Variants in CNR1 observed in about 807,000 individuals in gnomAD.
The protein encoded by CNR1 is cannabinoid receptor 1.
Under a neutral mutation model 23.0 loss-of-function variants are expected in CNR1, and 10 were observed. The observed-to-expected ratio is 0.43, with a 90% CI of 0.27 to 0.74. CNR1 has a LOEUF of 0.74. CNR1 is among the 30% of genes least tolerant of loss of function. The pLI is 0.19. For missense variants in CNR1, 422 were observed against 618.8 expected, an observed-to-expected ratio of 0.68 and a Z score of 3.37; for synonymous variants, 271 against 255.2, an observed-to-expected ratio of 1.06 and a Z score of -0.59.
intron 1 of CNR1, among the ~76,000 whole-genome samples, chr6:88,154,881 G>C (rs1221866747): frequency 6.6e-6 from 1 of 152,142 alleles, no homozygotes; most frequent in Admixed American, 6.5e-5. Context: ...TGCCCGCCCA[G>C]AAAGCAATTA....
At chr6:88,160,601 ATT>A (rs1243964089) in intron 1 of CNR1, among the ~76,000 whole-genome samples, 1 of 151,828 alleles carries the variant, frequency 6.6e-6, no homozygotes, top group Non-Finnish European at 1.5e-5. Context: ...TGCCCGGCTA[ATT>A]TTTGTGTTTT....
intron 1 of CNR1, among the ~76,000 whole-genome samples, chr6:88,161,730 G>A (rs534025620): frequency 3.3e-5 from 5 of 152,256 alleles, no homozygotes; most frequent in South Asian, 4.1e-4. Context: ...AGTTTGAGAT[G>A]GAAGTTGCTT....
chr6:88,154,707 A>C (rs1006351823), intron 1 of CNR1, among the ~76,000 whole-genome samples: 1 of 152,254 alleles, frequency 6.6e-6, no homozygotes, highest in Non-Finnish European at 1.5e-5. Context: ...GCCTCCGAAG[A>C]AGCTTGGATT....
At position 88,143,602 on chromosome 6, in the gene CNR1, AT is replaced by A; in HGVS notation, c.*253del. 5.2e-6 allele frequency: 2 copies of A among 386,870 alleles called. No individual in the cohort carries two copies. The highest frequency in any genetic ancestry group is 9.3e-6 in the Non-Finnish European group (2 of 216,056). 24.0% of individuals were successfully genotyped at this position (386,870 alleles called of 1,614,324 possible). On this transcript the variant is annotated 3_prime_UTR_variant, in exon 2 of 2. Transcript: ENST00000369501. ...TTGTGTAGCCAAAGGTTTCCCTCCT[AT>A]TTCATTGAGACTTTGAAGGATCGTT...
rs77371478 is a variant in CNR1, at chr6:88,139,919, C to T, written c.*3937G>A. Reference sequence around the variant, plus strand: ...TTATTTGATTCCAGGTAACTTTGGACAATAGACATGATGAGATGTTTTCTC... The same window carrying T: ...TTATTTGATTCCAGGTAACTTTGGATAATAGACATGATGAGATGTTTTCTC... On this transcript the variant is annotated 3_prime_UTR_variant, in exon 2 of 2. Coordinates refer to ENST00000369501, the MANE Select transcript of CNR1 (RefSeq NM_016083.6). The T allele has an allele frequency of 1.4e-4, 22 of 152,236 alleles. No homozygotes were observed. Among genetic ancestry groups the T allele is most frequent in the African/African-American group, 1.7e-4 (7 of 41,412 alleles). The allele number at this position is 152,236 out of a possible 1,614,324, so 9.4% of individuals were successfully genotyped here. A position where few individuals can be genotyped will look rare whatever the true frequency, so the allele number is the denominator to read the frequency against.
At chr6:88,167,108 T>C (rs776680076), upstream of CNR1, among the ~76,000 whole-genome samples, 1 of 151,706 alleles carries the variant, frequency 6.6e-6, no homozygotes, top group Admixed American at 6.6e-5. Context: ...ATGCAAACAG[T>C]TGGGCTCCGT....
chr6:88,160,662 T>C (rs1171202110), intron 1 of CNR1, among the ~76,000 whole-genome samples: 1 of 152,198 alleles, frequency 6.6e-6, no homozygotes, highest in East Asian at 1.9e-4. Context: ...CTCGAACTCC[T>C]GACCTCAAGT....
intron 1 of CNR1, among the ~76,000 whole-genome samples, chr6:88,153,837 T>C (rs1442788773): frequency 1.3e-5 from 2 of 152,236 alleles, no homozygotes; most frequent in Non-Finnish European, 2.9e-5. Context: ...TAGGCCAACA[T>C]CATAACTTGA....
At chr6:88,159,423 T>C (rs1396474823) in intron 1 of CNR1, among the ~76,000 whole-genome samples, 1 of 152,236 alleles carries the variant, frequency 6.6e-6, no homozygotes, top group Non-Finnish European at 1.5e-5. Context: ...ATTTCAAAAA[T>C]ACCTAAAAGT....
intron 1 of CNR1, among the ~76,000 whole-genome samples, chr6:88,151,987 C>T (rs887318023): frequency 2.0e-5 from 3 of 151,946 alleles, no homozygotes; most frequent in African/African-American, 4.8e-5. Flanking sequence ...GCAGATGAAT[C>T]GAAGTTTCTC....
At chr6:88,150,366 GAGTA>G (rs140352734) in intron 1 of CNR1, among the ~76,000 whole-genome samples, 2,548 of 152,196 alleles carry the variant, frequency 0.017, 76 homozygotes, top group African/African-American at 0.058. Context: ...CAAAGGCAAG[GAGTA>G]AGTTTCTTGT....
chr6:88,163,334 T>C (rs997441925), intron 1 of CNR1, among the ~76,000 whole-genome samples: 3 of 152,248 alleles, frequency 2.0e-5, no homozygotes, highest in South Asian at 2.1e-4. Context: ...CCTGGATAGC[T>C]AGTTATGGGA....
Position 88,140,439 on chromosome 6 carries a change from TTACA to T in CNR1, c.*3413_*3416del, listed in dbSNP as rs1776745568. 1.3e-5 allele frequency: 2 copies of T among 152,784 alleles called. No individual in the cohort carries two copies. Among genetic ancestry groups the T allele is most frequent in the African/African-American group, 4.8e-5 (2 of 41,450 alleles). The allele number at this position is 152,784 out of a possible 1,614,324, so 9.5% of individuals were successfully genotyped here. ...AACATCTGACTTTTTAGAAACCTAT[TTACA>T]TACATTCAGCCCAAATCAGTAGATA... On this transcript the variant is annotated 3_prime_UTR_variant, in exon 2 of 2. Coordinates refer to ENST00000369501, the MANE Select transcript of CNR1 (RefSeq NM_016083.6).
At chr6:88,162,301 T>C (rs1453837612) in intron 1 of CNR1, among the ~76,000 whole-genome samples, 4 of 152,246 alleles carry the variant, frequency 2.6e-5, no homozygotes, top group African/African-American at 9.6e-5. Flanking sequence ...ATTTCAGTCA[T>C]GATTTACATC....
intron 1 of CNR1, among the ~76,000 whole-genome samples, chr6:88,160,432 TTTC>T (rs1024847155): frequency 6.6e-6 from 1 of 151,172 alleles, no homozygotes; most frequent in African/African-American, 2.4e-5. Flanking sequence ...TTTTTTTTCT[TTTC>T]TTTTTTTTTT....
At chr6:88,164,594 A>G (rs543327124) in intron 1 of CNR1, among the ~76,000 whole-genome samples, 7 of 152,240 alleles carry the variant, frequency 4.6e-5, no homozygotes, top group South Asian at 2.1e-4. Flanking sequence ...AGTACCAGGG[A>G]AAAAAAGGAC....
Position 88,140,446 on chromosome 6 carries a change from C to A in CNR1, c.*3410G>T, listed in dbSNP as rs1276193182. ...GACTTTTTAGAAACCTATTTACATA[C>A]ATTCAGCCCAAATCAGTAGATAGAA... On this transcript the variant is annotated 3_prime_UTR_variant, in exon 2 of 2. Transcript: ENST00000369501. The A allele has an allele frequency of 6.5e-6, 1 of 152,784 alleles. No individual in the cohort carries two copies. Among genetic ancestry groups the A allele is most frequent in the Non-Finnish European group, 1.5e-5 (1 of 68,040 alleles). 9.5% of individuals were successfully genotyped at this position (152,784 alleles called of 1,614,324 possible).
rs569436829 is a variant in CNR1, at chr6:88,141,145, G to T, written c.*2711C>A. The T allele has an allele frequency of 2.0e-5, 3 of 152,356 alleles. No individual in the cohort carries two copies. The South Asian group carries it at 6.3e-4, about 32-fold the overall frequency. 9.4% of individuals were successfully genotyped at this position (152,356 alleles called of 1,614,324 possible). ...TTTAAATTAATGGATCTAATTATGG[G>T]GTTAATTAATGAGTGATATTAACAA... On this transcript the variant is annotated 3_prime_UTR_variant, in exon 2 of 2. Coordinates refer to ENST00000369501, the MANE Select transcript of CNR1 (RefSeq NM_016083.6).
In CNR1 at chr6:88,143,750, A is replaced by C. The variant is rs1040904722; in HGVS notation, c.*106T>G. The C allele has an allele frequency of 6.4e-6, 5 of 786,326 alleles. No homozygotes were observed. The highest frequency in any genetic ancestry group is 1.0e-5 in the Non-Finnish European group (5 of 478,284). 48.7% of individuals were successfully genotyped at this position (786,326 alleles called of 1,614,324 possible). A position where few individuals can be genotyped will look rare whatever the true frequency, so the allele number is the denominator to read the frequency against. ...CATGGTGACAATCACCTTTTCATTGAGCATGGTAAAGTTAAAAAAATATAA... is the reference window on the plus strand; with the variant it reads ...CATGGTGACAATCACCTTTTCATTGCGCATGGTAAAGTTAAAAAAATATAA... On this transcript the variant is annotated 3_prime_UTR_variant, in exon 2 of 2. Transcript: ENST00000369501.
Sources: gnomAD v4.1 joint callset for allele counts (sites outside exome capture counted in the v4.1 genomes callset) on GRCh38, gnomAD v4.1.1 for gene constraint, MANE v1.5 for transcripts, NCBI Gene and HGNC (gene_info 2026-07-23, HGNC 2026-07-21) for gene names.